The following GFM2 variants were observed in gnomAD, a reference collection of about 807,000 sequenced individuals.
GFM2 encodes the protein GTP dependent ribosome recycling factor mitochondrial 2, also known as ribosome-releasing factor 2, mitochondrial.
A neutral mutation model predicts 95.4 loss-of-function variants in GFM2; 72 were observed. The ratio of observed to expected loss-of-function variants is 0.76; its 90% CI spans 0.62 to 0.92. The LOEUF (loss-of-function observed/expected upper bound fraction) is 0.92. Among genes scored for constraint, GFM2 ranks in the 40% least tolerant of loss-of-function variants. The probability of loss-of-function intolerance (pLI) is 0.00; values close to 1 mark genes in which losing one functional copy is unlikely to be tolerated. For missense variants in GFM2, 825 were observed against 924.1 expected (o/e 0.89, Z 1.39); for synonymous variants, 276 against 317.5 (o/e 0.87, Z 1.39).
At position 74,745,771 on chromosome 5, in the gene GFM2, A is replaced by G. The variant is rs1743351857; in HGVS notation, c.756T>C (p.Asp252=). The G allele has an allele frequency of 2.5e-6, 4 of 1,613,750 alleles. No homozygotes were observed. Among genetic ancestry groups the G allele is most frequent in the Non-Finnish European group, 3.4e-6 (4 of 1,179,842 alleles). The change falls in exon 10 of 21, where the codon GAT becomes GAC. Residue 252 remains aspartate (D), a synonymous_variant. Coordinates refer to ENST00000296805, the MANE Select transcript of GFM2 (RefSeq NM_032380.5). ...GGGGCTTTCTCTCAAAGTCTTTTCCATCATTTGAATTGCAATTCCAAAGAA... is the reference window on the plus strand; with the variant it reads ...GGGGCTTTCTCTCAAAGTCTTTTCCGTCATTTGAATTGCAATTCCAAAGAA... ...EKLLWNCNSN[D]GKDFERKPLL... is the part of the protein sequence containing the mutation.
chr5:74,740,506 G>A lies in GFM2; in HGVS notation c.931-369C>T, dbSNP rs977646122. Among the ~76,000 whole-genome samples, 18 of 152,038 alleles carry A rather than the reference G, an allele frequency of 1.2e-4. 1 individual carries two copies. Among genetic ancestry groups the A allele is most frequent in the African/African-American group, 4.3e-4 (18 of 41,410 alleles). On this transcript the variant is annotated intron_variant, in intron 11 of 20. Coordinates refer to ENST00000296805, the MANE Select transcript of GFM2 (RefSeq NM_032380.5). ...GATCATAAATAAAATATGTAAATCT[G>A]AGTTACCATTTCTTCAAATAAATTA...
At chr5:74,765,418 A>G (rs928776724) in intron 1 of GFM2, among the ~76,000 whole-genome samples, 5 of 152,182 alleles carry the variant, frequency 3.3e-5, no homozygotes, top group Non-Finnish European at 5.9e-5. Context: ...AGTCTCTCCC[A>G]TGATGATAGG....
chr5:74,745,763 T>A lies in GFM2; in HGVS notation c.764A>T (p.Asp255Val). 1 of 1,613,760 alleles carries A rather than the reference T, an allele frequency of 6.2e-7. No homozygotes were observed. Among genetic ancestry groups the A allele is most frequent in the Non-Finnish European group, 8.5e-7 (1 of 1,179,804 alleles). ...LWNCNSNDGK[D>V]FERKPLLEMN... ...TTCCAAGAGGGGCTTTCTCTCAAAG[T>A]CTTTTCCATCATTTGAATTGCAATT... Residue 255 changes from aspartate to valine, a missense_variant, in exon 10 of 21, where the codon GAC becomes GTC. Transcript: ENST00000296805.
At position 74,727,858 on chromosome 5, in the gene GFM2, A is replaced by G. The variant is rs79992782; in HGVS notation, c.1727-1732T>C. 1.7e-3 allele frequency among the ~76,000 whole-genome samples: 254 copies of G among 152,236 alleles called. 4 individuals carry two copies. In the East Asian group the frequency reaches 0.036, roughly 21 times the overall value. On this transcript the variant is annotated intron_variant, in intron 17 of 20. Coordinates refer to ENST00000296805, the MANE Select transcript of GFM2 (RefSeq NM_032380.5). ...ATAAAAATCAGGCAAATTAACATCT[A>G]TCATGTCAAAAAACTTATTTCTTTG...
At chr5:74,750,763 G>GTA (rs1182259925) in intron 6 of GFM2, 96 bp from the exon 7 acceptor site, 8 of 787,576 alleles carry the variant, frequency 1.0e-5, no homozygotes, top group Middle Eastern at 2.3e-4. Context: ...GGGTGTGTGT[G>GTA]TATATATATG....
chr5:74,743,646 T>G (rs149632443), intron 10 of GFM2, among the ~76,000 whole-genome samples: 1 of 152,354 alleles, frequency 6.6e-6, no homozygotes, highest in East Asian at 1.9e-4. Context: ...TTTATTCTTA[T>G]AGCTCTTCTG....
chr5:74,750,474 T>A, intron 7 of GFM2, 105 bp downstream of exon 7: 1 of 679,190 alleles, frequency 1.5e-6, no homozygotes, highest in East Asian at 2.8e-5. Flanking sequence ...ATTTGATTTA[T>A]GTGAACTTAC....
intron 8 of GFM2, among the ~76,000 whole-genome samples, chr5:74,746,782 G>A (rs1263735655): frequency 6.6e-6 from 1 of 151,970 alleles, no homozygotes; most frequent in Non-Finnish European, 1.5e-5. Context: ...GGCACTGCCT[G>A]ACAATAAATA....
intron 19 of GFM2, among the ~76,000 whole-genome samples, chr5:74,723,942 T>C (rs1419704414): frequency 1.3e-5 from 2 of 152,194 alleles, no homozygotes; most frequent in Non-Finnish European, 2.9e-5. Flanking sequence ...GAGTAAAATA[T>C]AATCCTATTT....
chr5:74,747,585 TAATAC>T (rs1743449454), intron 8 of GFM2, 102 bp downstream of exon 8: 1 of 666,226 alleles, frequency 1.5e-6, no homozygotes, highest in South Asian at 1.9e-5. Flanking sequence ...TTATACCCTA[TAATAC>T]AATAGGAAAA....
chr5:74,742,824 G>A (rs1031990011), intron 10 of GFM2, among the ~76,000 whole-genome samples: 3 of 151,854 alleles, frequency 2.0e-5, no homozygotes, highest in African/African-American at 4.8e-5. Flanking sequence ...GTGCCACCAC[G>A]CCCAGCTAAT....
Position 74,721,394 on chromosome 5 carries a change from G to A in GFM2, c.*261C>T, listed in dbSNP as rs956856503. On this transcript the variant is annotated 3_prime_UTR_variant, in exon 21 of 21. Coordinates refer to ENST00000296805, the MANE Select transcript of GFM2 (RefSeq NM_032380.5). ...ACTTTGTGATACCACTCTTCTGAAG[G>A]CTACTTATAGTAATAACTTCATAGA... 12 of 718,136 alleles carry A rather than the reference G, an allele frequency of 1.7e-5. No homozygotes were observed. The highest frequency in any genetic ancestry group is 3.0e-5 in the Non-Finnish European group (12 of 395,764). The allele number at this position is 718,136 out of a possible 1,614,324, so 44.5% of individuals were successfully genotyped here.
chr5:74,741,884 A>G (rs1443937374), intron 10 of GFM2: 1 of 221,782 alleles, frequency 4.5e-6, no homozygotes, highest in Non-Finnish European at 8.8e-6. Context: ...AGTGTGCTCA[A>G]AAGAAATCAA....
intron 16 of GFM2, among the ~76,000 whole-genome samples, chr5:74,731,566 T>G (rs1366756828): frequency 6.6e-6 from 1 of 152,192 alleles, no homozygotes; most frequent in Non-Finnish European, 1.5e-5. Flanking sequence ...AAGTGTCTCT[T>G]TGGCTGATCC....
chr5:74,722,477 G>A lies in GFM2; in HGVS notation c.2113C>T (p.Leu705=). The A allele has an allele frequency of 1.2e-6, 2 of 1,613,908 alleles. No homozygotes were observed. Among genetic ancestry groups the A allele is most frequent in the South Asian group, 2.2e-5 (2 of 91,074 alleles). The change falls in exon 20 of 21, where the codon CTG becomes TTG. Residue 705 remains leucine, a synonymous_variant. Coordinates refer to ENST00000296805, the MANE Select transcript of GFM2 (RefSeq NM_032380.5). ...TVARDYLSPV[L]ADLAQRRGNI... Reference sequence around the variant, plus strand: ...CCTCTTCTTTGTGCCAGATCTGCCAGGACAGGGCTGAGATAATCTCTAGCT... The same window carrying A: ...CCTCTTCTTTGTGCCAGATCTGCCAAGACAGGGCTGAGATAATCTCTAGCT...
At chr5:74,747,386 C>T (rs1012517724) in intron 8 of GFM2, among the ~76,000 whole-genome samples, 4 of 152,154 alleles carry the variant, frequency 2.6e-5, no homozygotes, top group Non-Finnish European at 5.9e-5. Flanking sequence ...GGGACTATAC[C>T]TGTGTTCTAA....
intron 10 of GFM2, among the ~76,000 whole-genome samples, chr5:74,744,869 A>G (rs2112291307): frequency 6.6e-6 from 1 of 152,324 alleles, no homozygotes; most frequent in South Asian, 2.1e-4. Context: ...GTAAAATCAT[A>G]TATTATAACA....
chr5:74,754,983 C>T (rs1743906835), intron 5 of GFM2, among the ~76,000 whole-genome samples: 1 of 152,098 alleles, frequency 6.6e-6, no homozygotes, highest in African/African-American at 2.4e-5. Flanking sequence ...ATAATCCCAG[C>T]TACTTGGGAG....
chr5:74,739,294 T>C (rs1742994114), intron 12 of GFM2, among the ~76,000 whole-genome samples: 1 of 152,152 alleles, frequency 6.6e-6, no homozygotes, highest in Admixed American at 6.5e-5. Flanking sequence ...CATACTAATA[T>C]AGAGCTTACT....
Sources: gnomAD v4.1 joint callset for allele counts (sites outside exome capture counted in the v4.1 genomes callset) on GRCh38, gnomAD v4.1.1 for gene constraint, MANE v1.5 for transcripts, NCBI Gene and HGNC (gene_info 2026-07-23, HGNC 2026-07-21) for gene names.